CCDC149: variants seen among roughly 807,000 people sequenced by gnomAD.
The protein encoded by CCDC149 is coiled-coil domain-containing protein 149.
CCDC149 carries 45 observed loss-of-function variants against 59.9 expected under a neutral mutation model. The ratio of observed to expected loss-of-function variants is 0.75; its 90% confidence interval spans 0.59 to 0.96. CCDC149 has a LOEUF of 0.96. Among genes scored for constraint, CCDC149 ranks in the 40% least tolerant of loss-of-function variants. CCDC149 has a pLI of 0.00. For synonymous variants in CCDC149, 245 were observed against 260.6 expected (o/e 0.94, Z 0.58); for missense variants, 584 against 664.7 (o/e 0.88, Z 1.33).
At chr4:24,899,055 T>C (rs1388898698) in intron 1 of CCDC149, among the ~76,000 whole-genome samples, 9 of 151,652 alleles carry the variant, frequency 5.9e-5, no homozygotes, top group Admixed American at 5.3e-4. Flanking sequence ...AGCAGTAGAG[T>C]GGTAAAATCA....
At position 24,876,292 on chromosome 4, in the gene CCDC149, T is replaced by TACACAC. The variant is rs61406129; in HGVS notation, c.225+238_225+243dup. 2.2e-3 allele frequency among the ~76,000 whole-genome samples: 269 copies of TACACAC among 124,796 alleles called. 1 individual carries two copies. Among genetic ancestry groups the TACACAC allele is most frequent in the African/African-American group, 7.1e-3 (233 of 32,658 alleles). The allele number at this position is 124,796 out of a possible 152,430, so 81.9% of individuals were successfully genotyped here. A position where few individuals can be genotyped will look rare whatever the true frequency, so the allele number is the denominator to read the frequency against. ...AGCAAGAAGCATATACATACACACG[T>TACACAC]ACACACACACACACACACACACACA... On this transcript the variant is annotated intron_variant, in intron 2 of 12. Transcript: ENST00000635206.
intron 1 of CCDC149, among the ~76,000 whole-genome samples, chr4:24,931,310 A>AAAATATATATATATATAT (rs1553862434): frequency 7.2e-6 from 1 of 138,266 alleles, no homozygotes; most frequent in Non-Finnish European, 1.5e-5. Flanking sequence ...TTTATTTTAA[A>AAAATATATATATATATAT]ATATATATAT....
At chr4:24,892,532 C>G (rs907899614) in intron 1 of CCDC149, among the ~76,000 whole-genome samples, 35 of 152,192 alleles carry the variant, frequency 2.3e-4, no homozygotes, top group African/African-American at 8.0e-4. Flanking sequence ...GAAAGACCTA[C>G]GAAGCCTGAT....
chr4:24,887,740 T>C (rs981069998), intron 1 of CCDC149, among the ~76,000 whole-genome samples: 1 of 152,022 alleles, frequency 6.6e-6, no homozygotes, highest in Admixed American at 6.6e-5. Flanking sequence ...CCTTCTGGTT[T>C]CCCTACTTGT....
Position 24,831,481 on chromosome 4 carries a change from C to A in CCDC149, c.965+25G>T, listed in dbSNP as rs369356428. ...GTCCCACTTCCTTCGCGCCCACCCC[C>A]CAACACAAGAGTTTGGCCACCTACT... On this transcript the variant is annotated intron_variant, in intron 9 of 12. Transcript: ENST00000635206. The A allele has an allele frequency of 8.2e-5, 133 of 1,612,424 alleles. 1 individual carries two copies. Among genetic ancestry groups the A allele is most frequent in the Middle Eastern group, 1.7e-4 (1 of 5,816 alleles).
chr4:24,934,311 C>T (rs1320677453), intron 1 of CCDC149, among the ~76,000 whole-genome samples: 1 of 152,134 alleles, frequency 6.6e-6, no homozygotes, highest in Non-Finnish European at 1.5e-5. Context: ...AAAGGGTTTC[C>T]CCTTTTGCTT....
At chr4:24,821,197 C>A (rs1410249863) in intron 10 of CCDC149, 110 bp from the exon 11 acceptor site, 1 of 456,940 alleles carries the variant, frequency 2.2e-6, no homozygotes, top group Non-Finnish European at 3.6e-6. Flanking sequence ...TTTGTTCACT[C>A]GAGTAACTTC....
At chr4:24,857,189 TG>T (rs1208359996) in intron 3 of CCDC149, among the ~76,000 whole-genome samples, 6 of 152,212 alleles carry the variant, frequency 3.9e-5, no homozygotes, top group Admixed American at 2.6e-4. Flanking sequence ...CACTGACCAA[TG>T]TAACTGCAGT....
chr4:24,829,402 T>C (rs1715985103), intron 9 of CCDC149: 1 of 151,228 alleles, frequency 6.6e-6, no homozygotes, highest in Non-Finnish European at 1.5e-5. Flanking sequence ...GTCTCCCAGG[T>C]AGGGGAAAAA....
intron 4 of CCDC149, among the ~76,000 whole-genome samples, chr4:24,845,725 G>A (rs563109653): frequency 5.7e-4 from 87 of 152,308 alleles, no homozygotes; most frequent in Non-Finnish European, 5.1e-4. Context: ...ATGTTGAAAT[G>A]AATTGACCGA....
chr4:24,892,809 G>C (rs570881419), intron 1 of CCDC149, among the ~76,000 whole-genome samples: 1 of 152,218 alleles, frequency 6.6e-6, no homozygotes, highest in South Asian at 2.1e-4. Context: ...TGCTATTACA[G>C]AATACCAGAG....
intron 1 of CCDC149, among the ~76,000 whole-genome samples, chr4:24,912,034 G>C (rs1569051): frequency 0.5 from 75,839 of 152,038 alleles, 20,563 homozygotes; most frequent in Non-Finnish European, 0.61. Context: ...TTGCCTCCAG[G>C]TGAGAGGGAG....
intron 1 of CCDC149, among the ~76,000 whole-genome samples, chr4:24,957,534 T>C (rs1030550343): frequency 6.6e-5 from 10 of 152,214 alleles, no homozygotes; most frequent in African/African-American, 2.4e-4. Context: ...GTGTACCTGG[T>C]TGTCTATTTT....
downstream of CCDC149, among the ~76,000 whole-genome samples, chr4:24,805,823 T>A (rs1043381780): frequency 6.6e-6 from 1 of 152,176 alleles, no homozygotes; most frequent in African/African-American, 2.4e-5. Context: ...ACAGGTGTTA[T>A]CTGGAGCTGT....
chr4:24,939,549 G>A (rs1722892909), intron 1 of CCDC149, among the ~76,000 whole-genome samples: 1 of 152,196 alleles, frequency 6.6e-6, no homozygotes, highest in Non-Finnish European at 1.5e-5. Flanking sequence ...GATGGAGAAT[G>A]ACTTTGACGA....
intron 8 of CCDC149, among the ~76,000 whole-genome samples, chr4:24,833,230 G>GA (rs200486654): frequency 0.018 from 2,616 of 143,014 alleles, 16 homozygotes; most frequent in Non-Finnish European, 0.025. Flanking sequence ...TTTCAAAAAT[G>GA]AAAAAAAAAA....
At chr4:24,863,276 A>G (rs1332301428) in intron 3 of CCDC149, among the ~76,000 whole-genome samples, 1 of 152,240 alleles carries the variant, frequency 6.6e-6, no homozygotes, top group East Asian at 1.9e-4. Context: ...TGGGCGACAG[A>G]GCAAGACGTC....
At chr4:24,855,592 A>C (rs1300026605) in intron 3 of CCDC149, among the ~76,000 whole-genome samples, 1 of 143,230 alleles carries the variant, frequency 7.0e-6, no homozygotes, top group Non-Finnish European at 1.5e-5. Context: ...AAAAAGGAAG[A>C]AAAAAGAAAA....
At chr4:24,874,244 G>GTTTTTTTTTTTTTTGTTTTT (rs1719242804) in intron 2 of CCDC149, among the ~76,000 whole-genome samples, 1 of 87,488 alleles carries the variant, frequency 1.1e-5, no homozygotes, top group African/African-American at 5.8e-5. Flanking sequence ...TATTAGATTT[G>GTTTTTTTTTTTTTTGTTTTT]TTTTTTTTTT....
Sources: allele counts gnomAD v4.1 joint callset (sites outside exome capture counted in the v4.1 genomes callset), GRCh38; gene constraint gnomAD v4.1.1; transcripts MANE v1.5; gene names NCBI Gene and HGNC (gene_info 2026-07-23, HGNC 2026-07-21).